PKNOX2: variants seen among roughly 807,000 people sequenced by gnomAD.
PKNOX2 encodes homeobox protein PKNOX2.
Under a neutral mutation model 53.1 loss-of-function variants are expected in PKNOX2, and 14 were observed. The ratio of observed to expected loss-of-function variants is 0.26; its 90% CI spans 0.17 to 0.41. PKNOX2 has a LOEUF of 0.41. Ranked by LOEUF, PKNOX2 falls within the 10% of genes least tolerant of loss-of-function variation. The pLI is 1.00. For synonymous variants in PKNOX2, 257 were observed against 242.8 expected (o/e 1.06, Z -0.54); for missense variants, 496 against 602.8 (o/e 0.82, Z 1.85).
intron 1 of PKNOX2, among the ~76,000 whole-genome samples, chr11:125,232,504 GGTC>G (rs1942299142): frequency 6.6e-6 from 1 of 152,174 alleles, no homozygotes; most frequent in Non-Finnish European, 1.5e-5. Context: ...ACTTGCCCAT[GGTC>G]AAGCCAGAAT....
At chr11:125,175,241 A>AAGGAAGGG (rs1955626793) in intron 1 of PKNOX2, among the ~76,000 whole-genome samples, 1 of 99,920 alleles carries the variant, frequency 1.0e-5, no homozygotes, top group Admixed American at 8.8e-5. Flanking sequence ...GGAAGGAAGG[A>AAGGAAGGG]AGGAAGGAAA....
chr11:125,236,252 G>C (rs1942679587), intron 2 of PKNOX2, among the ~76,000 whole-genome samples: 1 of 152,162 alleles, frequency 6.6e-6, no homozygotes, highest in East Asian at 1.9e-4. Flanking sequence ...TCGCCTCTGT[G>C]ATTGACGGGC....
chr11:125,356,919 C>T (rs1471300513), intron 4 of PKNOX2, among the ~76,000 whole-genome samples: 2 of 152,278 alleles, frequency 1.3e-5, no homozygotes, highest in African/African-American at 4.8e-5. Flanking sequence ...TTCACACTCG[C>T]TTTACATTCC....
chr11:125,337,290 G>A (rs1315220540), intron 3 of PKNOX2, among the ~76,000 whole-genome samples: 1 of 152,104 alleles, frequency 6.6e-6, no homozygotes, highest in Non-Finnish European at 1.5e-5. Context: ...GGTGCCCTGA[G>A]CAGCCACTCT....
chr11:125,404,945 G>A (rs1350775037), intron 7 of PKNOX2, among the ~76,000 whole-genome samples: 2 of 152,202 alleles, frequency 1.3e-5, no homozygotes, highest in Non-Finnish European at 2.9e-5. Context: ...GAGACATTCA[G>A]AACCGACCCC....
intron 7 of PKNOX2, 70 bp downstream of exon 7, chr11:125,398,132 G>A: frequency 2.7e-6 from 4 of 1,484,582 alleles, no homozygotes; most frequent in African/African-American, 1.4e-5. Context: ...CACGCGTGGA[G>A]GAAGGTCCCC....
chr11:125,178,939 T>C (rs1427104629), intron 1 of PKNOX2, among the ~76,000 whole-genome samples: 1 of 152,000 alleles, frequency 6.6e-6, no homozygotes, highest in Admixed American at 6.6e-5. Flanking sequence ...GCCGGGACAA[T>C]GAAAGGAGAT....
At chr11:125,412,494 ATG>A (rs1955620696) in intron 10 of PKNOX2, among the ~76,000 whole-genome samples, 1 of 152,220 alleles carries the variant, frequency 6.6e-6, no homozygotes, top group African/African-American at 2.4e-5. Context: ...GAAGGTTGCT[ATG>A]TGTTTGTGTG....
intron 2 of PKNOX2, among the ~76,000 whole-genome samples, chr11:125,293,369 T>C (rs1290784502): frequency 1.3e-5 from 2 of 152,232 alleles, no homozygotes; most frequent in Non-Finnish European, 2.9e-5. Context: ...TAGCTCTCCC[T>C]ACCTCTGATT....
At chr11:125,283,585 A>G (rs778168199) in intron 2 of PKNOX2, among the ~76,000 whole-genome samples, 1 of 152,264 alleles carries the variant, frequency 6.6e-6, no homozygotes, top group Non-Finnish European at 1.5e-5. Flanking sequence ...TGCCAGGGCC[A>G]CAGCCTGTGT....
At chr11:125,383,965 A>G (rs1953438456) in intron 5 of PKNOX2, among the ~76,000 whole-genome samples, 1 of 152,184 alleles carries the variant, frequency 6.6e-6, no homozygotes, top group Admixed American at 6.5e-5. Flanking sequence ...AAACAAAACA[A>G]AAACCTACAT....
At chr11:125,188,509 T>G (rs1956591437) in intron 1 of PKNOX2, among the ~76,000 whole-genome samples, 1 of 152,218 alleles carries the variant, frequency 6.6e-6, no homozygotes, top group Non-Finnish European at 1.5e-5. Context: ...TTTGTGATGT[T>G]GGTGTTAACA....
At chr11:125,373,581 C>T (rs555416481) in intron 5 of PKNOX2, among the ~76,000 whole-genome samples, 1 of 152,168 alleles carries the variant, frequency 6.6e-6, no homozygotes, top group African/African-American at 2.4e-5. Flanking sequence ...GGGTGTCAGC[C>T]GCTGTTGGAT....
At chr11:125,259,639 G>T (rs1158686873) in intron 2 of PKNOX2, among the ~76,000 whole-genome samples, 1 of 152,164 alleles carries the variant, frequency 6.6e-6, no homozygotes, top group Admixed American at 6.5e-5. Flanking sequence ...TGGCTGAAGG[G>T]CATCCTTGGC....
At chr11:125,260,716 A>G (rs1465038292) in intron 2 of PKNOX2, among the ~76,000 whole-genome samples, 1 of 152,056 alleles carries the variant, frequency 6.6e-6, no homozygotes, top group Non-Finnish European at 1.5e-5. Flanking sequence ...CATTAAGACT[A>G]CATCTTCTGC....
rs76022308 is a variant in PKNOX2, at chr11:125,211,252, G to A, written c.-200-23793G>A. Among the ~76,000 whole-genome samples the A allele has an allele frequency of 3.9e-4, 59 of 152,198 alleles. 1 individual carries two copies. In the East Asian group the frequency reaches 5.6e-3, roughly 14 times the overall value. On this transcript the variant is annotated intron_variant, in intron 1 of 12. Coordinates refer to ENST00000298282, the MANE Select transcript of PKNOX2 (RefSeq NM_001382323.2). ...ACTCCCAACTGCAGCTTCCTACTTC[G>A]GAGTAGGCAAGGGTTTCTCAATCTG...
At chr11:125,337,234 C>T (rs540826130) in intron 3 of PKNOX2, among the ~76,000 whole-genome samples, 42 of 152,160 alleles carry the variant, frequency 2.8e-4, no homozygotes, top group Non-Finnish European at 4.6e-4. Flanking sequence ...GTCGTTACAA[C>T]GTGGCTGCTG....
At chr11:125,342,640 C>G (rs1034459671) in intron 3 of PKNOX2, among the ~76,000 whole-genome samples, 5 of 152,220 alleles carry the variant, frequency 3.3e-5, no homozygotes, top group African/African-American at 4.8e-5. Flanking sequence ...TGAGCGGCTG[C>G]TGTCAGCTCT....
chr11:125,291,357 C>T (rs1482457170), intron 2 of PKNOX2, among the ~76,000 whole-genome samples: 1 of 152,100 alleles, frequency 6.6e-6, no homozygotes, highest in Non-Finnish European at 1.5e-5. Flanking sequence ...TTGGACTCAT[C>T]CCCTTCTTTC....
Sources: gnomAD v4.1 joint callset for allele counts (sites outside exome capture counted in the v4.1 genomes callset) on GRCh38, gnomAD v4.1.1 for gene constraint, MANE v1.5 for transcripts, NCBI Gene and HGNC (gene_info 2026-07-23, HGNC 2026-07-21) for gene names.